Variants in LRRC47 observed in about 807,000 individuals in gnomAD.
The protein encoded by LRRC47 is leucine-rich repeat-containing protein 47.
A neutral mutation model predicts 40.9 loss-of-function variants in LRRC47; 31 were observed. The ratio of observed to expected loss-of-function variants is 0.76; its 90% CI spans 0.57 to 1.02. LRRC47 has a LOEUF of 1.02. Among genes scored for constraint, LRRC47 ranks in the 50% least tolerant of loss-of-function variants. LRRC47 has a pLI of 0.00. For synonymous variants in LRRC47, 427 were observed against 371.9 expected, an observed-to-expected ratio of 1.15 and a Z score of -1.70; for missense variants, 726 against 796.1, an observed-to-expected ratio of 0.91 and a Z score of 1.06.
chr1:3,793,366 T>G (rs1229162587), intron 1 of LRRC47, among the ~76,000 whole-genome samples: 1 of 152,200 alleles, frequency 6.6e-6, no homozygotes, highest in Admixed American at 6.5e-5. Flanking sequence ...CTGCTGGGAT[T>G]ACAGGCAGGA....
intron 1 of LRRC47, among the ~76,000 whole-genome samples, chr1:3,790,929 G>A (rs990684767): frequency 6.6e-6 from 1 of 152,210 alleles, no homozygotes; most frequent in South Asian, 2.1e-4. Context: ...TAAAGAGCCA[G>A]TCCTCCCAAA....
Position 3,780,748 on chromosome 1 carries a change from TG to T in LRRC47, c.*339del. On this transcript the variant is annotated 3_prime_UTR_variant, in exon 7 of 7. Coordinates refer to ENST00000378251, the MANE Select transcript of LRRC47 (RefSeq NM_020710.3). ...ATCCCAGCACTTTGAGGGGCAGAGG[TG>T]GACAGATCATGAGGTCAAGAGATCA... 1 of 253,926 alleles carries T rather than the reference TG, an allele frequency of 3.9e-6. No individual in the cohort carries two copies. Among genetic ancestry groups the T allele is most frequent in the Non-Finnish European group, 7.6e-6 (1 of 131,134 alleles). The allele number at this position is 253,926 out of a possible 1,614,324, so 15.7% of individuals were successfully genotyped here.
At position 3,795,053 on chromosome 1, in the gene LRRC47, CA is replaced by C. The variant is rs35186516; in HGVS notation, c.615+808del. Among the ~76,000 whole-genome samples, 523 of 61,626 alleles carry C rather than the reference CA, an allele frequency of 8.5e-3. 2 individuals carry two copies. Among genetic ancestry groups the C allele is most frequent in the Non-Finnish European group, 0.012 (374 of 31,102 alleles). 40.4% of individuals were successfully genotyped at this position (61,626 alleles called of 152,430 possible). Reference sequence around the variant, plus strand: ...TGGGTGACAGGACCAGACTACATCTCAAAAAAAAAAAAAAAAAAAAGAAATG... The same window carrying C: ...TGGGTGACAGGACCAGACTACATCTCAAAAAAAAAAAAAAAAAAAGAAATG... On this transcript the variant is annotated intron_variant, in intron 1 of 6. Coordinates refer to ENST00000378251, the MANE Select transcript of LRRC47 (RefSeq NM_020710.3).
chr1:3,786,371 G>A (rs1475375205), intron 2 of LRRC47, among the ~76,000 whole-genome samples: 3 of 152,076 alleles, frequency 2.0e-5, no homozygotes, highest in Non-Finnish European at 2.9e-5. Context: ...ATGATGGTGA[G>A]CACCTGTAAT....
At position 3,786,832 on chromosome 1, in the gene LRRC47, C is replaced by T. The variant is rs1337530270; in HGVS notation, c.1077+17G>A. 7.7e-6 allele frequency: 12 copies of T among 1,563,726 alleles called. No individual in the cohort carries two copies. Among genetic ancestry groups the T allele is most frequent in the East Asian group, 2.3e-5 (1 of 42,670 alleles). The stretch of plus-strand genomic sequence containing the variant: ...CACCTCTGTCCCAGTCATCTGAGGA[C>T]CCCCACGGGCACCCACCTGCGAGGT... On this transcript the variant is annotated intron_variant, in intron 2 of 6. Transcript: ENST00000378251.
In LRRC47 at chr1:3,779,296, C is replaced by G. The variant is rs934552924; in HGVS notation, c.*1792G>C. Reference sequence around the variant, plus strand: ...CTAAAGGTGTGTGGGCTGTGGGGCTCTTGCAGATGCTTCCCAAAATCACCA... The same window carrying G: ...CTAAAGGTGTGTGGGCTGTGGGGCTGTTGCAGATGCTTCCCAAAATCACCA... On this transcript the variant is annotated 3_prime_UTR_variant, in exon 7 of 7. Coordinates refer to ENST00000378251, the MANE Select transcript of LRRC47 (RefSeq NM_020710.3). The G allele has an allele frequency of 6.6e-6, 1 of 152,272 alleles. No homozygotes were observed. Among genetic ancestry groups the G allele is most frequent in the Non-Finnish European group, 1.5e-5 (1 of 68,062 alleles). The allele number at this position is 152,272 out of a possible 1,614,324, so 9.4% of individuals were successfully genotyped here.
chr1:3,787,131 G>A lies in LRRC47; in HGVS notation c.795C>T (p.Gly265=), dbSNP rs376974812. 93 of 1,613,284 alleles carry A rather than the reference G, an allele frequency of 5.8e-5. No homozygotes were observed. Among genetic ancestry groups the A allele is most frequent in the African/African-American group, 1.5e-4 (11 of 74,794 alleles). ...CCTCGGCACGGCCCTTGCCCTTCCC[G>A]CCACCACGGCCTCCGACGCGCAGGT... is the stretch of plus-strand genomic sequence containing the variant. The part of the protein sequence containing the change: ...LEYLRVGGRG[G]GKGKGRAEGS... The change falls in exon 2 of 7, where the codon GGC becomes GGT. Residue 265 remains glycine, a synonymous_variant. Transcript: ENST00000378251.
At chr1:3,788,886 G>A (rs74719912) in intron 1 of LRRC47, among the ~76,000 whole-genome samples, 4 of 152,312 alleles carry the variant, frequency 2.6e-5, no homozygotes, top group East Asian at 1.9e-4. Flanking sequence ...CAGCAGTGAC[G>A]CCTGCTGGGG....
At chr1:3,795,657 T>G (rs775474304) in intron 1 of LRRC47, among the ~76,000 whole-genome samples, 1 of 152,182 alleles carries the variant, frequency 6.6e-6, no homozygotes, top group Non-Finnish European at 1.5e-5. Context: ...TATGTTGGTG[T>G]GGCCAGGAGA....
chr1:3,779,968 C>A lies in LRRC47; in HGVS notation c.*1120G>T, dbSNP rs1305050530. On this transcript the variant is annotated 3_prime_UTR_variant, in exon 7 of 7. Transcript: ENST00000378251. ...TCTAAGGTCACATTAAAACTTTTCCCCCCAAGATTATGATCACTGCCAGCT... is the reference window on the plus strand; with the variant it reads ...TCTAAGGTCACATTAAAACTTTTCCACCCAAGATTATGATCACTGCCAGCT... 1 of 152,174 alleles carries A rather than the reference C, an allele frequency of 6.6e-6. No individual in the cohort carries two copies. The highest frequency in any genetic ancestry group is 1.9e-4 in the East Asian group (1 of 5,182). The allele number at this position is 152,174 out of a possible 1,614,324, so 9.4% of individuals were successfully genotyped here. A position where few individuals can be genotyped will look rare whatever the true frequency, so the allele number is the denominator to read the frequency against.
chr1:3,789,447 G>A lies in LRRC47; in HGVS notation c.616-2137C>T, dbSNP rs562735956. 2.0e-3 allele frequency among the ~76,000 whole-genome samples: 303 copies of A among 152,390 alleles called. 1 individual carries two copies. Among genetic ancestry groups the A allele is most frequent in the African/African-American group, 6.9e-3 (289 of 41,602 alleles). On this transcript the variant is annotated intron_variant, in intron 1 of 6. Transcript: ENST00000378251. Reference sequence around the variant, plus strand: ...AACACGCAGTGCGGCGTCTCCCTCCGCTGACAAAGAGCAAGTTCCTTCAGA... The same window carrying A: ...AACACGCAGTGCGGCGTCTCCCTCCACTGACAAAGAGCAAGTTCCTTCAGA...
rs752248261 is a variant in LRRC47, at chr1:3,785,088, T to C, written c.1193A>G (p.Lys398Arg). The change falls in exon 3 of 7, where the codon AAG (lysine) becomes AGG (arginine). Residue 398 changes from lysine (K) to arginine (R), a missense_variant and splice_region_variant. Lys to Arg is a conservative substitution (Grantham distance 26). Transcript: ENST00000378251. The part of the protein sequence containing the change: ...LYCARPPQDL[K>R]IVPLGRKEAK... ...ACCCTGCAAAGGAGGCTGCAGCACCTTGAGGTCCTGTGGGGGCCGGGCGCA... is the reference window on the plus strand; with the variant it reads ...ACCCTGCAAAGGAGGCTGCAGCACCCTGAGGTCCTGTGGGGGCCGGGCGCA... 3.1e-6 allele frequency: 5 copies of C among 1,593,624 alleles called. No homozygotes were observed. The highest frequency in any genetic ancestry group is 2.2e-5 in the South Asian group (2 of 89,686).
intron 1 of LRRC47, among the ~76,000 whole-genome samples, chr1:3,788,572 G>C (rs1327920184): frequency 1.3e-5 from 2 of 152,206 alleles, no homozygotes; most frequent in African/African-American, 4.8e-5. Flanking sequence ...GATGGCAGGG[G>C]TGATGGAATT....
chr1:3,792,462 C>T (rs1319473976), intron 1 of LRRC47, among the ~76,000 whole-genome samples: 4 of 73,514 alleles, frequency 5.4e-5, no homozygotes, highest in Admixed American at 1.1e-4. Context: ...GCTGGACGCA[C>T]ACTTTTTTTT....
Position 3,787,314 on chromosome 1 carries a change from C to T in LRRC47, c.616-4G>A, listed in dbSNP as rs150301384. On this transcript the variant is annotated splice_region_variant and splice_polypyrimidine_tract_variant and intron_variant, in intron 1 of 6. Coordinates refer to ENST00000378251, the MANE Select transcript of LRRC47 (RefSeq NM_020710.3). ...GGTTGTTCGAGAGGTCCAACGTCTGCAAAGAGAAACATGGACGCGTCAGAC... is the reference window on the plus strand; with the variant it reads ...GGTTGTTCGAGAGGTCCAACGTCTGTAAAGAGAAACATGGACGCGTCAGAC... 41 of 1,606,098 alleles carry T rather than the reference C, an allele frequency of 2.6e-5. No homozygotes were observed. In the African/African-American group the frequency reaches 4.0e-4, roughly 16 times the overall value.
chr1:3,787,603 C>T (rs989767887), intron 1 of LRRC47, among the ~76,000 whole-genome samples: 1 of 152,174 alleles, frequency 6.6e-6, no homozygotes, highest in Non-Finnish European at 1.5e-5. Flanking sequence ...CTTTAACAAC[C>T]ACAGCAGCCC....
intron 1 of LRRC47, among the ~76,000 whole-genome samples, chr1:3,791,431 G>GT (rs902143013): frequency 5.3e-5 from 8 of 151,952 alleles, no homozygotes; most frequent in African/African-American, 1.2e-4. Context: ...CGTGCCTTCT[G>GT]TTTTTTTTCC....
intron 1 of LRRC47, among the ~76,000 whole-genome samples, chr1:3,793,674 CTG>C (rs1643647341): frequency 6.6e-6 from 1 of 152,134 alleles, no homozygotes; most frequent in African/African-American, 2.4e-5. Flanking sequence ...GCCTTCTGAG[CTG>C]TGTCTTTTCA....
chr1:3,795,928 T>G lies in LRRC47; in HGVS notation c.549A>C (p.Glu183Asp). The stretch of plus-strand genomic sequence containing the variant: ...GGAGGCAGTTGTCAGCAGCCGCCAG[T>G]TCACTGAGCAGGGGCAGCGCGCCGG... ...FRPGALPLLS[E>D]LAAADNCLRE... The change falls in exon 1 of 7, where the codon GAA (glutamate) becomes GAC (aspartate). Residue 183 changes from glutamate to aspartate, a missense_variant. Physicochemically the swap from Glu to Asp is conservative, Grantham distance 45. Coordinates refer to ENST00000378251, the MANE Select transcript of LRRC47 (RefSeq NM_020710.3). 1 of 1,600,948 alleles carries G rather than the reference T, an allele frequency of 6.2e-7. No homozygotes were observed. Among genetic ancestry groups the G allele is most frequent in the Non-Finnish European group, 8.5e-7 (1 of 1,177,186 alleles).
Sources: gnomAD v4.1 joint callset for allele counts (sites outside exome capture counted in the v4.1 genomes callset) on GRCh38, gnomAD v4.1.1 for gene constraint, MANE v1.5 for transcripts, NCBI Gene and HGNC (gene_info 2026-07-23, HGNC 2026-07-21) for gene names.